Variants in NAV2 observed in about 807,000 individuals in gnomAD.
NAV2 encodes helicase, APC down-regulated 1.
In NAV2, 54 loss-of-function variants were observed where a neutral mutation model predicts 223.2. The ratio of observed to expected loss-of-function variants is 0.24; its 90% confidence interval spans 0.19 to 0.30. NAV2 has a LOEUF of 0.30. NAV2 is among the 10% of genes least tolerant of loss of function. The pLI is 1.00. For missense variants in NAV2, 2,806 were observed against 3,147.5 expected (o/e 0.89, Z 2.60); for synonymous variants, 1,279 against 1,239.3 (o/e 1.03, Z -0.67).
At chr11:19,941,026 C>A (rs1034409272) in intron 8 of NAV2, among the ~76,000 whole-genome samples, 1 of 152,190 alleles carries the variant, frequency 6.6e-6, no homozygotes, top group Admixed American at 6.5e-5. Flanking sequence ...GCGAGGCCAA[C>A]GCTTCAGATC....
At chr11:20,056,613 G>T (rs756996834) in intron 19 of NAV2, 10 of 1,612,536 alleles carry the variant, frequency 6.2e-6, no homozygotes, top group Admixed American at 1.7e-5. Context: ...GTTCCATCAC[G>T]CAAGGTATGA....
intron 1 of NAV2, among the ~76,000 whole-genome samples, chr11:19,553,507 G>GCCC (rs2044757681): frequency 9.1e-6 from 1 of 110,172 alleles, no homozygotes; most frequent in East Asian, 2.9e-4. Flanking sequence ...CAGTAATGCA[G>GCCC]ACCACACACA....
At chr11:20,101,709 C>T (rs1294152757) in intron 32 of NAV2, among the ~76,000 whole-genome samples, 1 of 152,134 alleles carries the variant, frequency 6.6e-6, no homozygotes, top group East Asian at 1.9e-4. Context: ...AACTGAAGCT[C>T]AAGTCAAAGT....
At chr11:20,028,959 C>T (rs915045705) in intron 11 of NAV2, among the ~76,000 whole-genome samples, 1 of 152,144 alleles carries the variant, frequency 6.6e-6, no homozygotes, top group Non-Finnish European at 1.5e-5. Context: ...GGGATTGTAT[C>T]AAATAAGAGA....
intron 1 of NAV2, among the ~76,000 whole-genome samples, chr11:19,795,565 C>A (rs752274596): frequency 6.6e-6 from 1 of 152,102 alleles, no homozygotes; most frequent in Non-Finnish European, 1.5e-5. Flanking sequence ...ATAAATTATA[C>A]CATAAGTAGT....
At chr11:19,619,197 C>T (rs556745584) in intron 1 of NAV2, among the ~76,000 whole-genome samples, 30 of 151,430 alleles carry the variant, frequency 2.0e-4, no homozygotes, top group East Asian at 1.4e-3. Flanking sequence ...TTTGCTATTG[C>T]GAATAGTGCT....
At chr11:19,399,633 C>CTA (rs1282244902) in intron 1 of NAV2, among the ~76,000 whole-genome samples, 2 of 152,170 alleles carry the variant, frequency 1.3e-5, no homozygotes, top group Admixed American at 1.3e-4. Context: ...AGACCCTGTG[C>CTA]TAAGTACTTA....
At chr11:19,971,545 C>G (rs2049246938) in intron 10 of NAV2, among the ~76,000 whole-genome samples, 1 of 152,106 alleles carries the variant, frequency 6.6e-6, no homozygotes, top group South Asian at 2.1e-4. Flanking sequence ...CTTGTTTCCC[C>G]CCATGTGAAT....
In NAV2 at chr11:19,905,507, G is replaced by A. The variant is rs2585760; in HGVS notation, c.931+12913G>A. 5.4e-3 allele frequency among the ~76,000 whole-genome samples: 826 copies of A among 152,254 alleles called. 4 individuals carry two copies. Among genetic ancestry groups the A allele is most frequent in the African/African-American group, 0.019 (794 of 41,538 alleles). The stretch of plus-strand genomic sequence containing the variant: ...GAGTCCAGGAAGAGCCAGTAATTTC[G>A]ACCTTGTAGGGAAGAAACTGGGCCC... On this transcript the variant is annotated intron_variant, in intron 6 of 37. Transcript: ENST00000349880.
At chr11:19,372,133 A>G (rs911327793) in intron 1 of NAV2, among the ~76,000 whole-genome samples, 16 of 152,126 alleles carry the variant, frequency 1.1e-4, no homozygotes, top group Non-Finnish European at 2.1e-4. Flanking sequence ...AAGGAATTGG[A>G]AAACCTGGAT....
chr11:20,104,221 T>C, intron 34 of NAV2: 1 of 172,680 alleles, frequency 5.8e-6, no homozygotes, highest in Non-Finnish European at 1.2e-5. Flanking sequence ...CCCGCTGCCA[T>C]AGCACCACGC....
chr11:19,972,572 T>G (rs1415490142), intron 10 of NAV2, among the ~76,000 whole-genome samples: 1 of 152,138 alleles, frequency 6.6e-6, no homozygotes, highest in Non-Finnish European at 1.5e-5. Flanking sequence ...CGAGTTCACT[T>G]TACATGTTGG....
chr11:20,117,702 G>A (rs1237161762), intron 37 of NAV2, among the ~76,000 whole-genome samples: 1 of 152,150 alleles, frequency 6.6e-6, no homozygotes, highest in Non-Finnish European at 1.5e-5. Context: ...CTGATGCCAA[G>A]TTCCAGGAAC....
At chr11:19,620,502 A>G (rs2046957739) in intron 1 of NAV2, among the ~76,000 whole-genome samples, 1 of 152,060 alleles carries the variant, frequency 6.6e-6, no homozygotes, top group East Asian at 1.9e-4. Flanking sequence ...ATTCCTAGGT[A>G]TTTTATTCTC....
At chr11:20,049,744 C>A in intron 15 of NAV2, 92 bp from the exon 16 acceptor site, 2 of 1,214,396 alleles carry the variant, frequency 1.6e-6, no homozygotes, top group Non-Finnish European at 2.4e-6. Context: ...CGAGGATCAG[C>A]ATGGGGAATG....
At position 19,466,276 on chromosome 11, in the gene NAV2, C is replaced by T. The variant is rs1374372635; in HGVS notation, c.75+115249C>T. ...GATTTCCCCTCCTGTGACCTCGATG[C>T]GGAAAATCCATTTGCACCTGTCCAC... On this transcript the variant is annotated intron_variant, in intron 1 of 37. Coordinates refer to the NAV2 transcript ENST00000360655. Among the ~76,000 whole-genome samples the T allele has an allele frequency of 9.2e-5, 14 of 152,258 alleles. No individual in the cohort carries two copies. The South Asian group carries it at 2.1e-3, about 23-fold the overall frequency.
chr11:19,787,379 G>A (rs180833194), intron 1 of NAV2, among the ~76,000 whole-genome samples: 1 of 144,530 alleles, frequency 6.9e-6, no homozygotes, highest in Non-Finnish European at 1.5e-5. Flanking sequence ...GCCTCCTAAA[G>A]TGTTGGGATT....
At chr11:19,658,021 A>G (rs1319661257) in intron 1 of NAV2, among the ~76,000 whole-genome samples, 3 of 152,234 alleles carry the variant, frequency 2.0e-5, no homozygotes, top group Admixed American at 1.3e-4. Flanking sequence ...AGCTCATACT[A>G]TGTAACAGAC....
intron 1 of NAV2, among the ~76,000 whole-genome samples, chr11:19,675,948 C>T (rs1363114743): frequency 6.6e-6 from 1 of 152,170 alleles, no homozygotes; most frequent in Non-Finnish European, 1.5e-5. Context: ...TACAACAACC[C>T]TAAGGGCAGA....
Sources: allele counts gnomAD v4.1 joint callset (sites outside exome capture counted in the v4.1 genomes callset), GRCh38; gene constraint gnomAD v4.1.1; transcripts MANE v1.5; gene names NCBI Gene and HGNC (gene_info 2026-07-23, HGNC 2026-07-21).